PTPRD: variants seen among roughly 807,000 people sequenced by gnomAD.
The protein encoded by PTPRD is receptor-type tyrosine-protein phosphatase delta.
Under a neutral mutation model 214.5 loss-of-function variants are expected in PTPRD, and 34 were observed. That is an observed-to-expected ratio of 0.16 (90% CI 0.12 to 0.21). The LOEUF (loss-of-function observed/expected upper bound fraction) is 0.21. Among genes scored for constraint, PTPRD ranks in the 10% least tolerant of loss-of-function variants. The pLI, the probability that PTPRD is intolerant of heterozygous loss-of-function variation, is 1.00. For missense variants in PTPRD, 2,545 were observed against 2,398.7 expected, an observed-to-expected ratio of 1.06 and a Z score of -1.27; for synonymous variants, 1,128 against 845.7, an observed-to-expected ratio of 1.33 and a Z score of -5.79.
intron 4 of PTPRD, among the ~76,000 whole-genome samples, chr9:9,964,389 A>ACT (rs2094551306): frequency 6.6e-6 from 1 of 152,196 alleles, no homozygotes; most frequent in African/African-American, 2.4e-5. Context: ...ATTTCTTAGA[A>ACT]AAGTTTTGAG....
At position 8,521,383 on chromosome 9, in the gene PTPRD, T is replaced by C. The variant is rs758449207; in HGVS notation, c.855A>G (p.Gly285=). 1.2e-6 allele frequency: 2 copies of C among 1,614,010 alleles called. No homozygotes were observed. The highest frequency in any genetic ancestry group is 1.7e-6 in the Non-Finnish European group (2 of 1,179,940). ...DLTPEDDMPI[G]RNVLELNDVR... Reference sequence around the variant, plus strand: ...CATCATTCAGTTCTAGCACATTTCTTCCTATTGGCATATCATCTTCAGGTG... The same window carrying C: ...CATCATTCAGTTCTAGCACATTTCTCCCTATTGGCATATCATCTTCAGGTG... The change falls in exon 20 of 46, where the codon GGA becomes GGG. Residue 285 remains glycine (G), a synonymous_variant. Coordinates refer to ENST00000381196, the MANE Select transcript of PTPRD (RefSeq NM_002839.4).
chr9:10,017,143 T>C (rs1219677366), intron 4 of PTPRD, among the ~76,000 whole-genome samples: 3 of 152,234 alleles, frequency 2.0e-5, no homozygotes, highest in Non-Finnish European at 4.4e-5. Context: ...AGTAGTAATA[T>C]GCCCAATGTT....
intron 12 of PTPRD, among the ~76,000 whole-genome samples, chr9:8,723,225 C>A (rs1324066329): frequency 6.6e-6 from 1 of 152,098 alleles, no homozygotes; most frequent in Non-Finnish European, 1.5e-5. Context: ...ATTCCCCCAT[C>A]TGCCTGGATG....
At chr9:9,691,205 G>C (rs1030804403) in intron 7 of PTPRD, among the ~76,000 whole-genome samples, 3 of 151,628 alleles carry the variant, frequency 2.0e-5, no homozygotes, top group Non-Finnish European at 2.9e-5. Flanking sequence ...ATTAACAATA[G>C]TCCCCGTTTT....
chr9:8,901,860 T>C (rs1040440224), intron 11 of PTPRD, among the ~76,000 whole-genome samples: 2 of 152,188 alleles, frequency 1.3e-5, no homozygotes, highest in Non-Finnish European at 2.9e-5. Context: ...TTCATACATA[T>C]AAGATGATGA....
At chr9:8,726,586 AAAATATATATATATATATATATATAT>A in intron 12 of PTPRD, among the ~76,000 whole-genome samples, 1 of 18,656 alleles carries the variant, frequency 5.4e-5, no homozygotes, top group East Asian at 1.2e-3. Flanking sequence ...AAAAAAAAAA[AAAATATATATATATATATATATATAT>A]ATATATATAT....
intron 3 of PTPRD, among the ~76,000 whole-genome samples, chr9:10,110,399 G>A: frequency 6.6e-6 from 1 of 152,134 alleles, no homozygotes; most frequent in East Asian, 1.9e-4. Context: ...GTGTCACAGT[G>A]CTTTTACATT....
intron 10 of PTPRD, among the ~76,000 whole-genome samples, chr9:9,162,088 T>C (rs2099890573): frequency 1.3e-5 from 2 of 152,116 alleles, no homozygotes; most frequent in South Asian, 2.1e-4. Flanking sequence ...TTCTTGCCAA[T>C]ATCTGACTAT....
chr9:8,440,530 G>T (rs1393466987), intron 34 of PTPRD, among the ~76,000 whole-genome samples: 1 of 152,104 alleles, frequency 6.6e-6, no homozygotes, highest in Non-Finnish European at 1.5e-5. Flanking sequence ...GGTCAGGCTG[G>T]TCTCAAACTC....
rs10958981 is a variant in PTPRD at position 10,259,150 on chromosome 9, G to A, written c.-545+81813C>T. Among the ~76,000 whole-genome samples, 1,436 of 152,186 alleles carry A rather than the reference G, an allele frequency of 9.4e-3. 17 individuals carry two copies. Among genetic ancestry groups the A allele is most frequent in the Middle Eastern group, 0.031 (9 of 294 alleles). The stretch of plus-strand genomic sequence containing the variant: ...CTATTCTTCTGCCTCAGCCTCCGGA[G>A]TAGCTGGGAATACAGGTGCCTGCCA... On this transcript the variant is annotated intron_variant, in intron 3 of 45. Transcript: ENST00000381196.
intron 11 of PTPRD, among the ~76,000 whole-genome samples, chr9:8,771,782 C>T (rs1461059303): frequency 2.7e-5 from 4 of 150,656 alleles, no homozygotes; most frequent in Non-Finnish European, 3.0e-5. Flanking sequence ...TTTAGATGAC[C>T]AAACTAGTAG....
chr9:8,563,137 T>C (rs2087141363), intron 14 of PTPRD, among the ~76,000 whole-genome samples: 1 of 152,172 alleles, frequency 6.6e-6, no homozygotes, highest in Non-Finnish European at 1.5e-5. Context: ...CACAAGAGTA[T>C]ACACATTGTA....
chr9:9,997,745 A>G (rs2096178050), intron 4 of PTPRD, among the ~76,000 whole-genome samples: 1 of 152,012 alleles, frequency 6.6e-6, no homozygotes, highest in Non-Finnish European at 1.5e-5. Flanking sequence ...GCTGGCAAGT[A>G]TTGATATGCT....
chr9:9,095,714 A>T (rs1394438728), intron 10 of PTPRD, among the ~76,000 whole-genome samples: 2 of 152,188 alleles, frequency 1.3e-5, no homozygotes, highest in Non-Finnish European at 2.9e-5. Flanking sequence ...ATAAATTAAA[A>T]ATAGAACTAC....
At chr9:8,574,313 T>C (rs2091903464) in intron 14 of PTPRD, among the ~76,000 whole-genome samples, 1 of 152,028 alleles carries the variant, frequency 6.6e-6, no homozygotes, top group South Asian at 2.1e-4. Context: ...ATTATTTTAA[T>C]TTAAACTATT....
At chr9:8,548,077 C>A (rs1413498321) in intron 14 of PTPRD, among the ~76,000 whole-genome samples, 1 of 151,888 alleles carries the variant, frequency 6.6e-6, no homozygotes, top group Non-Finnish European at 1.5e-5. Context: ...TTGCTGGAGA[C>A]CAGAGAAGGT....
At chr9:9,480,541 A>T (rs976581309) in intron 8 of PTPRD, among the ~76,000 whole-genome samples, 15 of 151,578 alleles carry the variant, frequency 9.9e-5, no homozygotes, top group Non-Finnish European at 1.9e-4. Flanking sequence ...AGCAATATTT[A>T]AAAAAAATGT....
At chr9:8,615,282 T>C (rs1459801612) in intron 14 of PTPRD, among the ~76,000 whole-genome samples, 1 of 152,124 alleles carries the variant, frequency 6.6e-6, no homozygotes, top group African/African-American at 2.4e-5. Flanking sequence ...TCCAAGTCTG[T>C]TTGCTTGATG....
chr9:9,916,047 G>C (rs915974093), intron 5 of PTPRD, among the ~76,000 whole-genome samples: 1 of 150,584 alleles, frequency 6.6e-6, no homozygotes, highest in African/African-American at 2.4e-5. Context: ...GAGGCAAGGA[G>C]AGAATGAGGC....
Sources: allele counts gnomAD v4.1 joint callset (sites outside exome capture counted in the v4.1 genomes callset), GRCh38; gene constraint gnomAD v4.1.1; transcripts MANE v1.5; gene names NCBI Gene and HGNC (gene_info 2026-07-23, HGNC 2026-07-21).